Variants in CCDC178 observed in about 807,000 individuals in gnomAD.
CCDC178 encodes the protein coiled-coil domain-containing protein 178.
In CCDC178, 126 loss-of-function variants were observed where a neutral mutation model predicts 117.4. The ratio of observed to expected loss-of-function variants is 1.07; its 90% CI spans 0.93 to 1.24. The LOEUF (loss-of-function observed/expected upper bound fraction) is 1.24, where lower values mean the gene tolerates loss of function less well. Ranked by LOEUF, CCDC178 falls within the 50% of genes most tolerant of loss-of-function variation. The pLI, the probability that CCDC178 is intolerant of heterozygous loss-of-function variation, is 0.00. For missense variants in CCDC178, 1,030 were observed against 986.9 expected (o/e 1.04, Z -0.59); for synonymous variants, 283 against 313.4 (o/e 0.90, Z 1.02).
intron 21 of CCDC178, among the ~76,000 whole-genome samples, chr18:33,063,052 C>T (rs1260381889): frequency 2.0e-5 from 3 of 152,144 alleles, no homozygotes; most frequent in Non-Finnish European, 2.9e-5. Context: ...CCCCTTCCAG[C>T]GGCATGGCAG....
chr18:33,073,551 C>CTATA (rs3044485), intron 21 of CCDC178, among the ~76,000 whole-genome samples: 1,906 of 107,020 alleles, frequency 0.018, 41 homozygotes, highest in East Asian at 0.068. Context: ...ATCTATCTAT[C>CTATA]TATATATATA....
At chr18:33,082,945 T>C (rs887864888) in intron 21 of CCDC178, among the ~76,000 whole-genome samples, 2 of 151,916 alleles carry the variant, frequency 1.3e-5, no homozygotes, top group East Asian at 3.9e-4. Context: ...TTCATAATAG[T>C]ATAAAAATAA....
At chr18:33,291,795 T>C (rs1237152391) in intron 12 of CCDC178, among the ~76,000 whole-genome samples, 2 of 152,044 alleles carry the variant, frequency 1.3e-5, no homozygotes, top group African/African-American at 4.8e-5. Context: ...CTGAGTGTGA[T>C]CTCAGGCTGA....
intron 20 of CCDC178, among the ~76,000 whole-genome samples, chr18:33,104,555 T>C (rs1261049541): frequency 6.6e-6 from 1 of 151,740 alleles, no homozygotes; most frequent in East Asian, 1.9e-4. Context: ...GAAAACACCA[T>C]CTTTTCGTCC....
At chr18:33,372,123 T>C (rs1207597529) in intron 5 of CCDC178, among the ~76,000 whole-genome samples, 3 of 152,072 alleles carry the variant, frequency 2.0e-5, no homozygotes, top group Non-Finnish European at 2.9e-5. Flanking sequence ...ATGTAACATA[T>C]GGTAAAGTAA....
In CCDC178 at chr18:33,412,041, T is replaced by C; in HGVS notation, c.48A>G (p.Gln16=). The change falls in exon 3 of 23, where the codon CAA becomes CAG. Residue 16 remains glutamine (Q), a synonymous_variant. Coordinates refer to ENST00000383096, the MANE Select transcript of CCDC178 (RefSeq NM_001105528.4). ...TVSSSSTRDD[Q]TNIGLTCQEV... is the part of the protein sequence containing the mutation. Reference sequence around the variant, plus strand: ...TTATGATAAACTTACCTATATTGGTTTGATCATCTCTAGTGGAAGAAGAGG... The same window carrying C: ...TTATGATAAACTTACCTATATTGGTCTGATCATCTCTAGTGGAAGAAGAGG... 1 of 1,485,344 alleles carries C rather than the reference T, an allele frequency of 6.7e-7. No homozygotes were observed. Among genetic ancestry groups the C allele is most frequent in the Non-Finnish European group, 9.3e-7 (1 of 1,076,608 alleles). The allele number at this position is 1,485,344 out of a possible 1,614,324, so 92.0% of individuals were successfully genotyped here.
chr18:33,300,464 CAGA>C (rs946718299), intron 11 of CCDC178, among the ~76,000 whole-genome samples: 1 of 152,078 alleles, frequency 6.6e-6, no homozygotes, highest in African/African-American at 2.4e-5. Flanking sequence ...TTAGAGAGCT[CAGA>C]AGAAGACAGG....
intron 21 of CCDC178, among the ~76,000 whole-genome samples, chr18:33,062,668 C>A (rs908022907): frequency 6.6e-6 from 1 of 152,266 alleles, no homozygotes; most frequent in Non-Finnish European, 1.5e-5. Flanking sequence ...GAGTTTCCTG[C>A]AGTCCATGTG....
At chr18:33,320,274 AT>A (rs1337074068) in intron 11 of CCDC178, among the ~76,000 whole-genome samples, 4 of 152,202 alleles carry the variant, frequency 2.6e-5, no homozygotes, top group Admixed American at 1.3e-4. Context: ...AAGAAAGTGT[AT>A]TCAATTAGGA....
intron 20 of CCDC178, among the ~76,000 whole-genome samples, chr18:33,096,176 A>C (rs1555642271): frequency 6.8e-6 from 1 of 146,484 alleles, no homozygotes; most frequent in Non-Finnish European, 1.5e-5. Flanking sequence ...ACTTTTCCTC[A>C]ATTTTCTCCA....
At chr18:33,009,164 A>G (rs961601694) in intron 21 of CCDC178, among the ~76,000 whole-genome samples, 4 of 152,060 alleles carry the variant, frequency 2.6e-5, no homozygotes, top group African/African-American at 9.7e-5. Flanking sequence ...CATGGGCACC[A>G]TCTTGATCCA....
At chr18:33,237,754 G>A (rs1599036998) in intron 15 of CCDC178, among the ~76,000 whole-genome samples, 1 of 151,644 alleles carries the variant, frequency 6.6e-6, no homozygotes, top group African/African-American at 2.4e-5. Flanking sequence ...AAGTGGCTGT[G>A]AACCTGGTCC....
intron 20 of CCDC178, among the ~76,000 whole-genome samples, chr18:33,176,781 AT>A (rs994113598): frequency 1.3e-5 from 2 of 151,932 alleles, no homozygotes; most frequent in South Asian, 2.1e-4. Context: ...CCAGCTCTGA[AT>A]TTTTTTTAAA....
At chr18:33,235,478 T>C (rs1235533618) in intron 15 of CCDC178, among the ~76,000 whole-genome samples, 1 of 152,164 alleles carries the variant, frequency 6.6e-6, no homozygotes, top group African/African-American at 2.4e-5. Flanking sequence ...TAATAACAAT[T>C]GCACAGTTTT....
intron 21 of CCDC178, among the ~76,000 whole-genome samples, chr18:33,010,028 A>G (rs2055831486): frequency 6.6e-6 from 1 of 152,148 alleles, no homozygotes; most frequent in African/African-American, 2.4e-5. Context: ...TCCAAGTGAA[A>G]TAATTCCTAC....
intron 20 of CCDC178, among the ~76,000 whole-genome samples, chr18:33,159,482 T>C (rs1212741809): frequency 6.6e-6 from 1 of 152,108 alleles, no homozygotes; most frequent in African/African-American, 2.4e-5. Flanking sequence ...TAGTTCCTTC[T>C]GGAGGCTCCA....
intron 22 of CCDC178, among the ~76,000 whole-genome samples, chr18:32,953,361 T>C (rs1268329221): frequency 6.6e-6 from 1 of 152,164 alleles, no homozygotes; most frequent in Non-Finnish European, 1.5e-5. Flanking sequence ...GAATTTCCAA[T>C]CTTTCCCATG....
intron 21 of CCDC178, among the ~76,000 whole-genome samples, chr18:32,975,248 T>C (rs981134754): frequency 7.2e-5 from 11 of 152,054 alleles, no homozygotes; most frequent in Non-Finnish European, 1.5e-4. Flanking sequence ...AAGGAAGAAA[T>C]TTCCAGCTAG....
chr18:32,962,187 A>G (rs1040705332), intron 22 of CCDC178, among the ~76,000 whole-genome samples: 1 of 151,936 alleles, frequency 6.6e-6, no homozygotes. Context: ...TTATTCTCCT[A>G]TCTTTTATGC....
Sources: allele counts gnomAD v4.1 joint callset (sites outside exome capture counted in the v4.1 genomes callset), GRCh38; gene constraint gnomAD v4.1.1; transcripts MANE v1.5; gene names NCBI Gene and HGNC (gene_info 2026-07-23, HGNC 2026-07-21).